Variants in ZMYM4 observed in about 807,000 individuals in gnomAD.
ZMYM4 encodes the protein zinc finger MYM-type containing 4.
Under a neutral mutation model 183.2 loss-of-function variants are expected in ZMYM4, and 31 were observed. The observed-to-expected ratio is 0.17, with a 90% CI of 0.13 to 0.23. The LOEUF (loss-of-function observed/expected upper bound fraction) is 0.23, where lower values mean the gene tolerates loss of function less well. Among genes scored for constraint, ZMYM4 ranks in the 10% least tolerant of loss-of-function variants. The pLI is 1.00. For missense variants in ZMYM4, 1,273 were observed against 1,840.3 expected (o/e 0.69, Z 5.64); for synonymous variants, 592 against 631.2 (o/e 0.94, Z 0.93).
At chr1:35,364,498 CCTT>C (rs1644021177) in intron 5 of ZMYM4, among the ~76,000 whole-genome samples, 1 of 152,166 alleles carries the variant, frequency 6.6e-6, no homozygotes, top group Non-Finnish European at 1.5e-5. Context: ...CACCTTCCCT[CCTT>C]CTTTTAGAAG....
intron 1 of ZMYM4, 55 bp from the exon 2 acceptor site, chr1:35,325,305 A>G: frequency 6.6e-7 from 1 of 1,524,964 alleles, no homozygotes; most frequent in Non-Finnish European, 9.0e-7. Flanking sequence ...TACCAAAAGA[A>G]TGTATGATAG....
intron 1 of ZMYM4, 118 bp downstream of exon 1, chr1:35,269,203 G>A (rs1639467349): frequency 7.5e-7 from 1 of 1,340,472 alleles, no homozygotes. Flanking sequence ...CAAGGTTGCG[G>A]GCAGGTCTGA....
At chr1:35,375,720 A>G (rs116231653) in intron 7 of ZMYM4, among the ~76,000 whole-genome samples, 2,039 of 152,296 alleles carry the variant, frequency 0.013, 48 homozygotes, top group African/African-American at 0.047. Context: ...CTCTGAAAGA[A>G]TTTTGGTTGC....
At chr1:35,416,563 T>G (rs1640121152) in intron 28 of ZMYM4, among the ~76,000 whole-genome samples, 1 of 152,088 alleles carries the variant, frequency 6.6e-6, no homozygotes, top group African/African-American at 2.4e-5. Flanking sequence ...TGATTTTTAT[T>G]TATTTATTTA....
chr1:35,321,867 T>A (rs1642294872), intron 1 of ZMYM4, among the ~76,000 whole-genome samples: 1 of 151,994 alleles, frequency 6.6e-6, no homozygotes, highest in South Asian at 2.1e-4. Context: ...TTTAACCTAG[T>A]GATCCCACTT....
At chr1:35,274,424 G>A (rs1639764967) in intron 1 of ZMYM4, among the ~76,000 whole-genome samples, 1 of 151,998 alleles carries the variant, frequency 6.6e-6, no homozygotes, top group Non-Finnish European at 1.5e-5. Flanking sequence ...GGACAACATA[G>A]CAAGACCCCA....
At chr1:35,408,654 C>T (rs1394269553) in intron 26 of ZMYM4, among the ~76,000 whole-genome samples, 1 of 152,076 alleles carries the variant, frequency 6.6e-6, no homozygotes, top group African/African-American at 2.4e-5. Context: ...GGAGGATCAC[C>T]TCAGCCCAGG....
intron 6 of ZMYM4, 69 bp from the exon 7 acceptor site, chr1:35,370,303 A>G: frequency 6.9e-7 from 1 of 1,449,314 alleles, no homozygotes; most frequent in Non-Finnish European, 9.1e-7. Flanking sequence ...TCTACTTAAA[A>G]TTCATGGTAA....
intron 1 of ZMYM4, among the ~76,000 whole-genome samples, chr1:35,313,538 G>A (rs1376817569): frequency 1.3e-5 from 2 of 151,830 alleles, no homozygotes; most frequent in South Asian, 4.2e-4. Context: ...ACAGGCGGGC[G>A]TCACCACACC....
intron 1 of ZMYM4, among the ~76,000 whole-genome samples, chr1:35,321,177 G>C (rs192187903): frequency 3.8e-4 from 58 of 152,282 alleles, no homozygotes; most frequent in Admixed American, 2.7e-3. Context: ...CCCAACTTGG[G>C]AGTAAAGTTA....
At chr1:35,407,332 T>C (rs1054857185) in intron 25 of ZMYM4, among the ~76,000 whole-genome samples, 1 of 150,652 alleles carries the variant, frequency 6.6e-6, no homozygotes, top group East Asian at 2.0e-4. Flanking sequence ...CTCAGGAGGC[T>C]GAGATAGGAG....
chr1:35,307,382 G>A (rs546427306), intron 1 of ZMYM4, among the ~76,000 whole-genome samples: 2 of 151,970 alleles, frequency 1.3e-5, no homozygotes, highest in African/African-American at 4.8e-5. Context: ...TACAGTGTCT[G>A]GCTGTGACAT....
chr1:35,306,222 G>A (rs1641525871), intron 1 of ZMYM4, among the ~76,000 whole-genome samples: 1 of 152,094 alleles, frequency 6.6e-6, no homozygotes, highest in Admixed American at 6.6e-5. Flanking sequence ...ATTACAGCAT[G>A]CATCTTTTAA....
intron 11 of ZMYM4, 92 bp from the exon 12 acceptor site, chr1:35,386,911 G>A: frequency 7.2e-7 from 1 of 1,392,068 alleles, no homozygotes; most frequent in Non-Finnish European, 9.7e-7. Context: ...TACCTTACAT[G>A]CCTAGAACGG....
chr1:35,305,289 A>G (rs1641484527), intron 1 of ZMYM4, among the ~76,000 whole-genome samples: 1 of 152,160 alleles, frequency 6.6e-6, no homozygotes, highest in Admixed American at 6.6e-5. Context: ...CAGAACTATA[A>G]ATCTGCAGCC....
chr1:35,356,579 C>T (rs948024809), intron 2 of ZMYM4, among the ~76,000 whole-genome samples: 1 of 152,152 alleles, frequency 6.6e-6, no homozygotes, highest in Non-Finnish European at 1.5e-5. Context: ...TTATCTCCTT[C>T]CCTTTGACAT....
intron 26 of ZMYM4, among the ~76,000 whole-genome samples, chr1:35,411,187 CTTTTTTTT>C (rs1019150941): frequency 7.6e-6 from 1 of 131,456 alleles, no homozygotes; most frequent in Admixed American, 7.6e-5. Flanking sequence ...TTTCTTTTTT[CTTTTTTTT>C]TTTTTTTTGA....
intron 23 of ZMYM4, 63 bp downstream of exon 23, chr1:35,399,639 C>T: frequency 6.4e-7 from 1 of 1,559,538 alleles, no homozygotes; most frequent in Non-Finnish European, 8.8e-7. Flanking sequence ...TTATTTAGTT[C>T]CTGCTGCTTT....
chr1:35,315,312 CTTTAT>C (rs1338069905), intron 1 of ZMYM4, among the ~76,000 whole-genome samples: 4 of 152,072 alleles, frequency 2.6e-5, no homozygotes, highest in Middle Eastern at 3.4e-3. Context: ...AATTCAGTTG[CTTTAT>C]TTTATACAAT....
Sources: gnomAD v4.1 joint callset for allele counts (sites outside exome capture counted in the v4.1 genomes callset) on GRCh38, gnomAD v4.1.1 for gene constraint, MANE v1.5 for transcripts, NCBI Gene and HGNC (gene_info 2026-07-23, HGNC 2026-07-21) for gene names.